Variants in GRB2 observed in about 807,000 individuals in gnomAD.
The protein encoded by GRB2 is growth factor receptor-bound protein 2.
A neutral mutation model predicts 27.4 loss-of-function variants in GRB2; 2 were observed. The observed-to-expected ratio is 0.07, with a 90% CI of 0.03 to 0.23. GRB2 has a LOEUF of 0.23. Ranked by LOEUF, GRB2 falls within the 10% of genes least tolerant of loss-of-function variation. GRB2 has a pLI of 1.00. For missense variants in GRB2, 102 were observed against 282.4 expected, an observed-to-expected ratio of 0.36 and a Z score of 4.58; for synonymous variants, 94 against 99.6, an observed-to-expected ratio of 0.94 and a Z score of 0.33.
At chr17:75,379,235 A>G (rs1050792746) in intron 2 of GRB2, among the ~76,000 whole-genome samples, 12 of 152,160 alleles carry the variant, frequency 7.9e-5, no homozygotes, top group Non-Finnish European at 1.6e-4. Context: ...TGTCATATAA[A>G]TTTTCTAATG....
chr17:75,398,967 T>G (rs978352151), intron 1 of GRB2, among the ~76,000 whole-genome samples: 1 of 151,830 alleles, frequency 6.6e-6, no homozygotes, highest in Non-Finnish European at 1.5e-5. Flanking sequence ...AGGATGGTCT[T>G]GAACTCCCGA....
chr17:75,395,532 C>T (rs2079024129), intron 1 of GRB2, among the ~76,000 whole-genome samples: 1 of 152,168 alleles, frequency 6.6e-6, no homozygotes, highest in African/African-American at 2.4e-5. Flanking sequence ...TGAAAAAGAG[C>T]AGCTCCCTAC....
intron 4 of GRB2, among the ~76,000 whole-genome samples, chr17:75,322,946 C>T (rs1355557752): frequency 3.3e-5 from 5 of 151,824 alleles, no homozygotes; most frequent in African/African-American, 4.8e-5. Flanking sequence ...AGTGAAACCC[C>T]GTCTCTACTA....
At chr17:75,384,659 CTT>C (rs916184225) in intron 2 of GRB2, among the ~76,000 whole-genome samples, 1 of 152,086 alleles carries the variant, frequency 6.6e-6, no homozygotes, top group African/African-American at 2.4e-5. Flanking sequence ...AACAGAGACT[CTT>C]GTCTCAAAAT....
intron 1 of GRB2, among the ~76,000 whole-genome samples, chr17:75,397,890 G>A (rs1282427995): frequency 1.3e-5 from 2 of 151,814 alleles, no homozygotes; most frequent in African/African-American, 2.4e-5. Flanking sequence ...CGCCCAGGCT[G>A]GACTGCAGTG....
At chr17:75,359,449 C>A (rs191663120) in intron 2 of GRB2, among the ~76,000 whole-genome samples, 250 of 151,696 alleles carry the variant, frequency 1.6e-3, no homozygotes, top group African/African-American at 5.8e-3. Flanking sequence ...GAGGTTGCAG[C>A]GAGCTATGAT....
At chr17:75,331,007 C>T (rs760351297) in intron 3 of GRB2, among the ~76,000 whole-genome samples, 1 of 151,880 alleles carries the variant, frequency 6.6e-6, no homozygotes, top group Non-Finnish European at 1.5e-5. Flanking sequence ...TCCCCACCCC[C>T]ACAAACAAAC....
At chr17:75,393,802 G>C (rs2079013391) in intron 1 of GRB2, 37 bp from the exon 2 acceptor site, 1 of 584,014 alleles carries the variant, frequency 1.7e-6, no homozygotes, top group Non-Finnish European at 3.0e-6. Flanking sequence ...GCAGTGGCCA[G>C]GATTGAAGGC....
At chr17:75,363,742 C>A (rs896083637) in intron 2 of GRB2, among the ~76,000 whole-genome samples, 1 of 151,798 alleles carries the variant, frequency 6.6e-6, no homozygotes, top group Non-Finnish European at 1.5e-5. Context: ...TGCCTGTAGT[C>A]CCAGCTACTC....
In GRB2 at chr17:75,341,794, G is replaced by A. The variant is rs2078623221; in HGVS notation, c.79-8997C>T. Among the ~76,000 whole-genome samples, 3 of 152,278 alleles carry A rather than the reference G, an allele frequency of 2.0e-5. No homozygotes were observed. The South Asian group carries it at 6.2e-4, about 32-fold the overall frequency. On this transcript the variant is annotated intron_variant, in intron 2 of 5. Transcript: ENST00000316804. ...ATCAGTGTGACAGGGAAACATTGGT[G>A]AGTCAGGAGATGGGGACCCACCAAA... is the stretch of plus-strand genomic sequence containing the variant.
chr17:75,321,607 G>A, intron 5 of GRB2, 52 bp downstream of exon 5: 2 of 1,548,006 alleles, frequency 1.3e-6, no homozygotes, highest in South Asian at 1.1e-5. Flanking sequence ...AATGCACACT[G>A]AGGAGCTATT....
intron 2 of GRB2, among the ~76,000 whole-genome samples, chr17:75,355,974 ACGCACGCTGCCATGCCCGG>A (rs2078730316): frequency 6.6e-6 from 1 of 151,446 alleles, no homozygotes; most frequent in Non-Finnish European, 1.5e-5. Context: ...GGGACTACAG[ACGCACGCTGCCATGCCCGG>A]CTAATTTTTT....
At chr17:75,394,678 A>C (rs997875715) in intron 1 of GRB2, 1 of 152,246 alleles carries the variant, frequency 6.6e-6, no homozygotes, top group Non-Finnish European at 1.5e-5. Flanking sequence ...CTGAGCTGCC[A>C]AGTATCTTGT....
chr17:75,382,682 T>C (rs2078936552), intron 2 of GRB2, among the ~76,000 whole-genome samples: 1 of 150,932 alleles, frequency 6.6e-6, no homozygotes, highest in South Asian at 2.1e-4. Context: ...ATACTAAGCA[T>C]TATCTATGGC....
chr17:75,335,695 G>T (rs1050986647), intron 2 of GRB2, among the ~76,000 whole-genome samples: 2 of 152,106 alleles, frequency 1.3e-5, no homozygotes, highest in African/African-American at 4.8e-5. Flanking sequence ...TAATAAATAT[G>T]TGTAGCAAAC....
intron 2 of GRB2, among the ~76,000 whole-genome samples, chr17:75,351,321 TATC>T (rs1313847419): frequency 6.6e-6 from 1 of 152,088 alleles, no homozygotes; most frequent in African/African-American, 2.4e-5. Flanking sequence ...TTCCATGTCA[TATC>T]ATAGGCTTCT....
At chr17:75,371,515 T>C (rs1298555484) in intron 2 of GRB2, 2 of 152,110 alleles carry the variant, frequency 1.3e-5, no homozygotes, top group Admixed American at 6.5e-5. Flanking sequence ...GCTAGGCAAC[T>C]GTGCAAGATG....
intron 2 of GRB2, among the ~76,000 whole-genome samples, chr17:75,380,137 G>A (rs147873824): frequency 3.3e-5 from 5 of 152,060 alleles, no homozygotes; most frequent in Admixed American, 6.5e-5. Flanking sequence ...CCTTATACAG[G>A]TGGAAGATGA....
chr17:75,350,439 G>C (rs1368307677), intron 2 of GRB2, among the ~76,000 whole-genome samples: 1 of 152,190 alleles, frequency 6.6e-6, no homozygotes, highest in Non-Finnish European at 1.5e-5. Flanking sequence ...ATCTTGGGGA[G>C]ACCGAATCTA....
Sources: allele counts gnomAD v4.1 joint callset (sites outside exome capture counted in the v4.1 genomes callset), GRCh38; gene constraint gnomAD v4.1.1; transcripts MANE v1.5; gene names NCBI Gene and HGNC (gene_info 2026-07-23, HGNC 2026-07-21).